ARHGAP24: variants seen among roughly 807,000 people sequenced by gnomAD.
ARHGAP24 encodes the protein Rho GTPase activating protein 24.
In ARHGAP24, 50 loss-of-function variants were observed where a neutral mutation model predicts 76.4. The observed-to-expected ratio is 0.65, with a 90% CI of 0.52 to 0.83. The LOEUF (loss-of-function observed/expected upper bound fraction) is 0.83. ARHGAP24 is among the 40% of genes least tolerant of loss of function. The pLI, the probability that ARHGAP24 is intolerant of heterozygous loss-of-function variation, is 0.00. For missense variants in ARHGAP24, 930 were observed against 914.2 expected (o/e 1.02, Z -0.22); for synonymous variants, 345 against 323.3 (o/e 1.07, Z -0.72).
At chr4:85,757,481 C>T (rs753226876) in intron 3 of ARHGAP24, among the ~76,000 whole-genome samples, 12 of 151,956 alleles carry the variant, frequency 7.9e-5, no homozygotes, top group Non-Finnish European at 1.3e-4. Flanking sequence ...GTTTTCTTTC[C>T]TTGCAATAGT....
At chr4:85,793,567 C>G (rs1728219225) in intron 3 of ARHGAP24, among the ~76,000 whole-genome samples, 1 of 152,208 alleles carries the variant, frequency 6.6e-6, no homozygotes, top group Non-Finnish European at 1.5e-5. Flanking sequence ...ACTCTGTCAT[C>G]ACATTATATT....
chr4:85,537,286 A>G (rs1725503712), intron 1 of ARHGAP24, among the ~76,000 whole-genome samples: 1 of 152,148 alleles, frequency 6.6e-6, no homozygotes, highest in African/African-American at 2.4e-5. Flanking sequence ...CCTAAGACTC[A>G]ATTAGAGAAA....
intron 2 of ARHGAP24, among the ~76,000 whole-genome samples, chr4:85,638,930 G>A (rs577552538): frequency 2.6e-5 from 4 of 152,092 alleles, no homozygotes; most frequent in African/African-American, 4.8e-5. Flanking sequence ...TAATCTCATG[G>A]TGCTAACTTT....
chr4:86,002,345 CTTT>C lies in ARHGAP24; in HGVS notation c.*1624_*1626del, dbSNP rs1479848238. On this transcript the variant is annotated 3_prime_UTR_variant, in exon 10 of 10. Transcript: ENST00000395184. ...ACCAGTATCTTTATAGCAATAATTT[CTTT>C]AATTCCCTTTTCTCTCTCTTTCCAA... The C allele has an allele frequency of 6.6e-6, 1 of 152,192 alleles. No homozygotes were observed. Among genetic ancestry groups the C allele is most frequent in the African/African-American group, 2.4e-5 (1 of 41,438 alleles). 9.4% of individuals were successfully genotyped at this position (152,192 alleles called of 1,614,324 possible). A position where few individuals can be genotyped will look rare whatever the true frequency, so the allele number is the denominator to read the frequency against.
At chr4:85,903,683 A>G (rs80252874) in intron 3 of ARHGAP24, among the ~76,000 whole-genome samples, 13,959 of 152,132 alleles carry the variant, frequency 0.092, 737 homozygotes, top group South Asian at 0.13. Context: ...TTTGTAGGCT[A>G]TATCCTTAGA....
intron 3 of ARHGAP24, among the ~76,000 whole-genome samples, chr4:85,911,914 A>G (rs1408029048): frequency 6.6e-6 from 1 of 152,204 alleles, no homozygotes; most frequent in Non-Finnish European, 1.5e-5. Flanking sequence ...AAGAACTTCT[A>G]TGTCTACAGT....
chr4:85,818,953 C>T (rs577646388), intron 3 of ARHGAP24, among the ~76,000 whole-genome samples: 158 of 152,208 alleles, frequency 1.0e-3, no homozygotes, highest in African/African-American at 3.7e-3. Context: ...AACAGATTGC[C>T]GTTATATTGC....
chr4:85,491,388 A>G lies in ARHGAP24; in HGVS notation c.-21+15829A>G, dbSNP rs147266957. On this transcript the variant is annotated intron_variant, in intron 1 of 9. Coordinates refer to ENST00000395184, the MANE Select transcript of ARHGAP24 (RefSeq NM_001025616.3). ...TTTAAATATCAAATTCAGAAATATA[A>G]TTATAAAAATAAGTAACAGAAACTG... 4.9e-3 allele frequency among the ~76,000 whole-genome samples: 741 copies of G among 152,340 alleles called. 3 individuals are homozygous for G. The highest frequency in any genetic ancestry group is 0.02 in the Middle Eastern group (6 of 294).
At chr4:85,686,001 G>T in intron 2 of ARHGAP24, among the ~76,000 whole-genome samples, 1 of 152,206 alleles carries the variant, frequency 6.6e-6, no homozygotes, top group East Asian at 1.9e-4. Flanking sequence ...GCACTTTGGT[G>T]CAGGCAGCTG....
At chr4:85,690,731 TAATCTAGCCAGTGATCTGTCAATCTTG>T in intron 2 of ARHGAP24, among the ~76,000 whole-genome samples, 1 of 150,984 alleles carries the variant, frequency 6.6e-6, no homozygotes, top group African/African-American at 2.4e-5. Context: ...TTTTTGCTCT[TAATCTAGCCAGTGATCTGTCAATCTTG>T]TTTTTTTTTT....
intron 2 of ARHGAP24, among the ~76,000 whole-genome samples, chr4:85,671,076 C>T (rs1002561998): frequency 1.3e-5 from 2 of 152,038 alleles, no homozygotes; most frequent in Admixed American, 6.6e-5. Flanking sequence ...TAGAACCCTA[C>T]GTTATTGGGC....
intron 1 of ARHGAP24, among the ~76,000 whole-genome samples, chr4:85,475,763 T>G (rs1722568703): frequency 6.7e-6 from 1 of 149,976 alleles, no homozygotes; most frequent in African/African-American, 2.5e-5. Context: ...CCCGTGCTGA[T>G]GTAGCCTGTC....
chr4:85,696,554 G>A (rs1723871893), intron 2 of ARHGAP24, among the ~76,000 whole-genome samples: 1 of 152,066 alleles, frequency 6.6e-6, no homozygotes, highest in Non-Finnish European at 1.5e-5. Flanking sequence ...CCTTTTGTTA[G>A]CGTATTTCCA....
At position 85,570,547 on chromosome 4, in the gene ARHGAP24, G is replaced by A; in HGVS notation, c.6G>A (p.Glu2=). M[E]ENNDSTENPQ... is the part of the protein sequence containing the mutation. ...GAAAGTCCATCAGCTTGATAATGGA[G>A]GAGAACAATGACTCCACGGAGAACC... Residue 2 remains glutamate, a synonymous_variant, in exon 2 of 10, where the codon GAG becomes GAA. Transcript: ENST00000395184. 6.2e-7 allele frequency: 1 copy of A among 1,613,826 alleles called. No homozygotes were observed. Among genetic ancestry groups the A allele is most frequent in the South Asian group, 1.1e-5 (1 of 91,070 alleles).
intron 1 of ARHGAP24, among the ~76,000 whole-genome samples, chr4:85,492,739 A>G (rs754860892): frequency 1.3e-5 from 2 of 152,222 alleles, no homozygotes; most frequent in Non-Finnish European, 2.9e-5. Flanking sequence ...TTTGAAACAT[A>G]AAAAATTGCA....
At chr4:85,825,222 C>G (rs1383225689) in intron 3 of ARHGAP24, among the ~76,000 whole-genome samples, 1 of 152,124 alleles carries the variant, frequency 6.6e-6, no homozygotes, top group African/African-American at 2.4e-5. Flanking sequence ...ATTGAGATAT[C>G]TGAATAATTG....
intron 3 of ARHGAP24, chr4:85,778,937 G>T: frequency 1.0e-6 from 1 of 985,418 alleles, no homozygotes; most frequent in Non-Finnish European, 1.2e-6. Flanking sequence ...GGGAACAGCT[G>T]TGCGTAGACC....
At chr4:85,815,736 T>G (rs1261449410) in intron 3 of ARHGAP24, among the ~76,000 whole-genome samples, 1 of 152,210 alleles carries the variant, frequency 6.6e-6, no homozygotes, top group Non-Finnish European at 1.5e-5. Flanking sequence ...GTTACCCAGT[T>G]CCAAAGTCGC....
At chr4:85,510,707 C>T (rs561575869) in intron 1 of ARHGAP24, among the ~76,000 whole-genome samples, 143 of 149,476 alleles carry the variant, frequency 9.6e-4, no homozygotes, top group African/African-American at 3.3e-3. Flanking sequence ...CCCTGCTTTT[C>T]CTCTTATGGT....
Sources: gnomAD v4.1 joint callset for allele counts (sites outside exome capture counted in the v4.1 genomes callset) on GRCh38, gnomAD v4.1.1 for gene constraint, MANE v1.5 for transcripts, NCBI Gene and HGNC (gene_info 2026-07-23, HGNC 2026-07-21) for gene names.